ORC4: variants seen among roughly 807,000 people sequenced by gnomAD.
ORC4 encodes the protein origin recognition complex subunit 4, also known as origin recognition complex, subunit 4 homolog.
In ORC4, 55 loss-of-function variants were observed where a neutral mutation model predicts 63.9. The ratio of observed to expected loss-of-function variants is 0.86; its 90% CI spans 0.69 to 1.08. ORC4 has a LOEUF of 1.08. Among genes scored for constraint, ORC4 ranks in the 50% least tolerant of loss-of-function variants. ORC4 has a pLI of 0.00. For missense variants in ORC4, 511 were observed against 504.4 expected (o/e 1.01, Z -0.13); for synonymous variants, 150 against 168.5 (o/e 0.89, Z 0.85).
chr2:147,939,006 A>G, intron 11 of ORC4, 134 bp downstream of exon 11: 1 of 648,822 alleles, frequency 1.5e-6, no homozygotes, highest in South Asian at 1.6e-5. Context: ...AAAAGGACTA[A>G]GTTAAAGGCT....
chr2:148,002,819 C>A (rs918443301), intron 1 of ORC4, among the ~76,000 whole-genome samples: 2 of 152,058 alleles, frequency 1.3e-5, no homozygotes, highest in Non-Finnish European at 2.9e-5. Flanking sequence ...ATAAATGAAT[C>A]CAGGAGCTGC....
chr2:147,948,310 A>T (rs1235011311), intron 8 of ORC4, 86 bp from the exon 9 acceptor site: 2 of 808,914 alleles, frequency 2.5e-6, no homozygotes, highest in African/African-American at 3.5e-5. Flanking sequence ...GGTATAAGTA[A>T]ACTATCACCT....
chr2:147,960,294 T>C (rs1193359532), intron 4 of ORC4: 12 of 984,558 alleles, frequency 1.2e-5, no homozygotes, highest in Non-Finnish European at 1.4e-5. Context: ...ATTTTATGGG[T>C]TGTGTGTATG....
At chr2:148,008,990 A>G (rs527604759) in intron 1 of ORC4, among the ~76,000 whole-genome samples, 1 of 152,292 alleles carries the variant, frequency 6.6e-6, no homozygotes, top group South Asian at 2.1e-4. Flanking sequence ...AAATATATAG[A>G]GACAAAAAGT....
rs569451694 is a variant in ORC4 at position 147,950,570 on chromosome 2, GC to G, written c.588+1802del. Among the ~76,000 whole-genome samples, 311 of 152,052 alleles carry G rather than the reference GC, an allele frequency of 2.0e-3. 2 individuals are homozygous for G. Among genetic ancestry groups the G allele is most frequent in the South Asian group, 9.3e-3 (45 of 4,822 alleles). ...TCACGAGGTCAGGAGTTCGAGAGCA[GC>G]CTGGGCAACATGGTGAAACCCCATC... On this transcript the variant is annotated intron_variant, in intron 8 of 13. Transcript: ENST00000392857.
intron 9 of ORC4, among the ~76,000 whole-genome samples, chr2:147,943,890 A>C (rs922369958): frequency 4.6e-5 from 7 of 152,176 alleles, no homozygotes; most frequent in Non-Finnish European, 8.8e-5. Flanking sequence ...AAAGTATTAC[A>C]AAGAATGCTT....
At chr2:147,987,595 A>G (rs1671252129) in intron 1 of ORC4, among the ~76,000 whole-genome samples, 1 of 152,042 alleles carries the variant, frequency 6.6e-6, no homozygotes, top group African/African-American at 2.4e-5. Context: ...AACACTGTGT[A>G]CCCAAAAAAA....
At chr2:147,973,941 G>C (rs1241502850) in intron 2 of ORC4, among the ~76,000 whole-genome samples, 1 of 152,148 alleles carries the variant, frequency 6.6e-6, no homozygotes, top group African/African-American at 2.4e-5. Context: ...TAAAAAGATG[G>C]ACCATTAAAG....
chr2:147,964,650 G>A (rs1558846973), intron 4 of ORC4, among the ~76,000 whole-genome samples: 1 of 152,152 alleles, frequency 6.6e-6, no homozygotes, highest in Non-Finnish European at 1.5e-5. Flanking sequence ...TAGTCAAATT[G>A]TTAAAAGTCA....
At chr2:147,958,561 T>C (rs1418607104) in intron 5 of ORC4, 178 bp from the exon 6 acceptor site, 1 of 593,258 alleles carries the variant, frequency 1.7e-6, no homozygotes, top group Non-Finnish European at 3.0e-6. Context: ...TCCTTGGGAT[T>C]AGAATGATTA....
At chr2:147,965,175 T>C (rs1689830008) in intron 4 of ORC4, among the ~76,000 whole-genome samples, 1 of 152,052 alleles carries the variant, frequency 6.6e-6, no homozygotes, top group African/African-American at 2.4e-5. Flanking sequence ...GATCAAGCCT[T>C]ATCACTACAG....
rs1055583207 is a variant in ORC4, at chr2:147,948,036, T to A, written c.762+15A>T. 1 of 1,601,300 alleles carries A rather than the reference T, an allele frequency of 6.2e-7. No individual in the cohort carries two copies. ...TATAGCAAGGAACATTTAGCTTTAT[T>A]GCCTTTTAAGATACCTGAACATTTT... On this transcript the variant is annotated intron_variant, in intron 9 of 13. Coordinates refer to ENST00000392857, the MANE Select transcript of ORC4 (RefSeq NM_181741.4).
At chr2:147,998,351 T>G (rs776804776) in intron 1 of ORC4, among the ~76,000 whole-genome samples, 4 of 152,188 alleles carry the variant, frequency 2.6e-5, no homozygotes, top group Non-Finnish European at 2.9e-5. Flanking sequence ...TATTGAAAGG[T>G]GAGGCCTAGA....
At chr2:147,955,493 C>A (rs1176054245) in intron 6 of ORC4, 98 bp from the exon 7 acceptor site, 11 of 824,698 alleles carry the variant, frequency 1.3e-5, no homozygotes, top group Admixed American at 4.1e-5. Context: ...CACTGTATAT[C>A]TTCTAGTTAT....
chr2:147,945,693 T>G (rs1347190696), intron 9 of ORC4, among the ~76,000 whole-genome samples: 1 of 152,154 alleles, frequency 6.6e-6, no homozygotes, highest in African/African-American at 2.4e-5. Flanking sequence ...AGGTTCAATC[T>G]TATCCTGAAG....
chr2:147,996,032 C>A (rs915313114), intron 1 of ORC4, among the ~76,000 whole-genome samples: 6 of 150,630 alleles, frequency 4.0e-5, no homozygotes, highest in Non-Finnish European at 7.4e-5. Flanking sequence ...AGGCCAGGTG[C>A]GGTGGCTTAC....
upstream of ORC4, chr2:148,021,500 T>G (rs1361505856): frequency 1.9e-5 from 11 of 566,776 alleles, no homozygotes; most frequent in Admixed American, 2.4e-4. Flanking sequence ...CTGCTGCTAC[T>G]GCTGCTGCTG....
At chr2:147,970,844 A>G (rs1199156519) in intron 4 of ORC4, among the ~76,000 whole-genome samples, 1 of 152,148 alleles carries the variant, frequency 6.6e-6, no homozygotes, top group Non-Finnish European at 1.5e-5. Flanking sequence ...TATTAAGATC[A>G]AAGACTTCAG....
At chr2:147,997,820 G>A (rs113569371) in intron 1 of ORC4, among the ~76,000 whole-genome samples, 2,540 of 152,050 alleles carry the variant, frequency 0.017, 76 homozygotes, top group African/African-American at 0.058. Context: ...ATCAAATCTT[G>A]TACTTTACAA....
Sources: gnomAD v4.1 joint callset for allele counts (sites outside exome capture counted in the v4.1 genomes callset) on GRCh38, gnomAD v4.1.1 for gene constraint, MANE v1.5 for transcripts, NCBI Gene and HGNC (gene_info 2026-07-23, HGNC 2026-07-21) for gene names.